The following DPYD variants were observed in gnomAD, a reference collection of about 807,000 sequenced individuals.
DPYD encodes dihydropyrimidine dehydrogenase, also known as dihydropyrimidine dehydrogenase [NADP(+)].
Under a neutral mutation model 116.2 loss-of-function variants are expected in DPYD, and 109 were observed. The observed-to-expected ratio is 0.94, with a 90% CI of 0.80 to 1.10. The LOEUF is 1.10. Among genes scored for constraint, DPYD ranks in the 50% least tolerant of loss-of-function variants. The pLI, the probability that DPYD is intolerant of heterozygous loss-of-function variation, is 0.00. For missense variants in DPYD, 1,302 were observed against 1,254.5 expected, an observed-to-expected ratio of 1.04 and a Z score of -0.57; for synonymous variants, 440 against 432.0, an observed-to-expected ratio of 1.02 and a Z score of -0.23.
At chr1:97,412,686 C>T (rs760585351) in intron 14 of DPYD, among the ~76,000 whole-genome samples, 1 of 152,098 alleles carries the variant, frequency 6.6e-6, no homozygotes, top group Non-Finnish European at 1.5e-5. Context: ...TAAATGCATC[C>T]TGTTTTGAGA....
chr1:97,193,349 G>A, intron 19 of DPYD, 101 bp from the exon 20 acceptor site: 1 of 1,271,724 alleles, frequency 7.9e-7, no homozygotes, highest in East Asian at 2.5e-5. Context: ...TTATGTGCCA[G>A]GCACTGTTTG....
chr1:97,590,179 A>G (rs1463096468), intron 10 of DPYD, among the ~76,000 whole-genome samples: 1 of 152,210 alleles, frequency 6.6e-6, no homozygotes, highest in East Asian at 1.9e-4. Context: ...ATGAATGCCA[A>G]AAGTTCCCAG....
chr1:97,544,361 T>C (rs574257066), intron 12 of DPYD, among the ~76,000 whole-genome samples: 2 of 152,308 alleles, frequency 1.3e-5, no homozygotes, highest in South Asian at 2.1e-4. Context: ...CTACCTTCCA[T>C]CTCTACTCCA....
chr1:97,419,097 C>T (rs756000178), intron 14 of DPYD, among the ~76,000 whole-genome samples: 2 of 152,074 alleles, frequency 1.3e-5, no homozygotes, highest in African/African-American at 4.8e-5. Context: ...CTAGACAACC[C>T]AATGGATATC....
intron 10 of DPYD, among the ~76,000 whole-genome samples, chr1:97,576,381 T>C (rs926784970): frequency 2.0e-5 from 3 of 152,194 alleles, no homozygotes; most frequent in Non-Finnish European, 4.4e-5. Context: ...GCTGTACCTA[T>C]TGGGAATATG....
At chr1:97,177,436 TG>T (rs1243393914) in intron 20 of DPYD, among the ~76,000 whole-genome samples, 6 of 152,116 alleles carry the variant, frequency 3.9e-5, no homozygotes, top group African/African-American at 1.4e-4. Flanking sequence ...AGGTTGCCAG[TG>T]GGTAGAAATC....
At chr1:97,314,192 C>A (rs1465201756) in intron 16 of DPYD, among the ~76,000 whole-genome samples, 1 of 151,888 alleles carries the variant, frequency 6.6e-6, no homozygotes, top group Non-Finnish European at 1.5e-5. Flanking sequence ...TGACCATGAT[C>A]CTTTCTGTCT....
In DPYD at chr1:97,864,954, C is replaced by G. The variant is rs146410206; in HGVS notation, c.150+18310G>C. Among the ~76,000 whole-genome samples the G allele has an allele frequency of 2.4e-3, 372 of 151,862 alleles. 1 individual carries two copies. The highest frequency in any genetic ancestry group is 6.8e-3 in the Middle Eastern group (2 of 294). ...AAGAGATTTATTTAGCTGGTTATATCTGTGAATGCTTCTAGTTGTAATAAC... is the reference window on the plus strand; with the variant it reads ...AAGAGATTTATTTAGCTGGTTATATGTGTGAATGCTTCTAGTTGTAATAAC... On this transcript the variant is annotated intron_variant, in intron 2 of 22. Coordinates refer to ENST00000370192, the MANE Select transcript of DPYD (RefSeq NM_000110.4).
chr1:97,549,517 T>C, intron 12 of DPYD, 43 bp downstream of exon 12: 2 of 1,594,420 alleles, frequency 1.3e-6, no homozygotes, highest in East Asian at 4.5e-5. Flanking sequence ...GAAGCACTTA[T>C]CCATTGGAAA....
chr1:97,854,322 T>G (rs976742889), intron 2 of DPYD, among the ~76,000 whole-genome samples: 7 of 152,208 alleles, frequency 4.6e-5, no homozygotes, highest in Non-Finnish European at 8.8e-5. Flanking sequence ...ATCTTTAATA[T>G]CATACATCAA....
chr1:97,221,169 T>C (rs2101892426), intron 19 of DPYD, among the ~76,000 whole-genome samples: 2 of 152,290 alleles, frequency 1.3e-5, no homozygotes, highest in Middle Eastern at 3.4e-3. Flanking sequence ...AACAAACTAC[T>C]CACAGATAGA....
chr1:97,851,512 T>A (rs193092650), intron 2 of DPYD, among the ~76,000 whole-genome samples: 1 of 151,736 alleles, frequency 6.6e-6, no homozygotes, highest in African/African-American at 2.4e-5. Context: ...TTCAAGAAAA[T>A]ATAGTTATAA....
chr1:97,718,008 C>CGTTA (rs913696322), intron 5 of DPYD, among the ~76,000 whole-genome samples: 13 of 152,078 alleles, frequency 8.5e-5, no homozygotes, highest in African/African-American at 2.6e-4. Flanking sequence ...CTGGATCCAA[C>CGTTA]GTTAGATCAA....
intron 8 of DPYD, among the ~76,000 whole-genome samples, chr1:97,663,859 C>A (rs1286615028): frequency 6.6e-6 from 1 of 152,200 alleles, no homozygotes; most frequent in Non-Finnish European, 1.5e-5. Context: ...CCTGCCCCAG[C>A]ATGTCTCCTG....
intron 21 of DPYD, among the ~76,000 whole-genome samples, chr1:97,093,379 T>G (rs914433045): frequency 5.3e-5 from 8 of 152,180 alleles, no homozygotes; most frequent in African/African-American, 7.2e-5. Flanking sequence ...CTTTATGTAT[T>G]TCTATTTTCA....
At chr1:97,643,427 A>C (rs772278409) in intron 8 of DPYD, among the ~76,000 whole-genome samples, 2 of 152,202 alleles carry the variant, frequency 1.3e-5, no homozygotes, top group Non-Finnish European at 2.9e-5. Context: ...TTAAAAAGTC[A>C]GGAAACAACA....
intron 10 of DPYD, among the ~76,000 whole-genome samples, chr1:97,581,597 T>A (rs1315737380): frequency 6.6e-6 from 1 of 150,862 alleles, no homozygotes; most frequent in African/African-American, 2.4e-5. Flanking sequence ...TTTTAAAAAA[T>A]TTGCCAGGTA....
chr1:97,852,068 T>C (rs1670598240), intron 2 of DPYD, among the ~76,000 whole-genome samples: 1 of 149,368 alleles, frequency 6.7e-6, no homozygotes, highest in Admixed American at 6.6e-5. Context: ...TGCAGCTACC[T>C]GATGCCTGAA....
At chr1:97,372,201 G>A (rs1036026266) in intron 16 of DPYD, among the ~76,000 whole-genome samples, 7 of 152,234 alleles carry the variant, frequency 4.6e-5, no homozygotes, top group Middle Eastern at 3.4e-3. Flanking sequence ...TAAAACCTCC[G>A]TAGTTGTTTC....
Sources: allele counts gnomAD v4.1 joint callset (sites outside exome capture counted in the v4.1 genomes callset), GRCh38; gene constraint gnomAD v4.1.1; transcripts MANE v1.5; gene names NCBI Gene and HGNC (gene_info 2026-07-23, HGNC 2026-07-21).